Variants in ASB9 observed in about 807,000 individuals in gnomAD.
The protein encoded by ASB9 is ankyrin repeat and SOCS box protein 9.
ASB9 carries 5 observed loss-of-function variants against 16.6 expected under a neutral mutation model. That is an observed-to-expected ratio of 0.30 (90% CI 0.16 to 0.63). ASB9 has a LOEUF of 0.63. Among genes scored for constraint, ASB9 ranks in the 30% least tolerant of loss-of-function variants. ASB9 has a pLI of 0.82. For synonymous variants in ASB9, 100 were observed against 86.4 expected, an observed-to-expected ratio of 1.16 and a Z score of -0.87; for missense variants, 216 against 229.4, an observed-to-expected ratio of 0.94 and a Z score of 0.38.
At chrX:15,256,311 CTT>C (rs756206331) in intron 2 of ASB9, among the ~76,000 whole-genome samples, 19 of 57,347 alleles carry the variant, frequency 3.3e-4, no homozygotes, top group African/African-American at 1.3e-3. Context: ...GCCTAAGATT[CTT>C]TTTTTTTTTT....
chrX:15,245,068 G>C (rs186883078), intron 6 of ASB9, among the ~76,000 whole-genome samples: 1 of 112,203 alleles, frequency 8.9e-6, no homozygotes, highest in Non-Finnish European at 1.9e-5. Context: ...TGAGCTCACA[G>C]TGAATCCTAA....
At chrX:15,250,207 A>ATCCTCCTCCTCC (rs1266894414) in intron 5 of ASB9, among the ~76,000 whole-genome samples, 1 of 108,605 alleles carries the variant, frequency 9.2e-6, no homozygotes, top group Non-Finnish European at 1.9e-5. Flanking sequence ...CATCATCATC[A>ATCCTCCTCCTCC]TCCTCCTCCT....
chrX:15,250,785 A>G (rs1288057295), intron 4 of ASB9, among the ~76,000 whole-genome samples: 5 of 111,869 alleles, frequency 4.5e-5, no homozygotes, highest in African/African-American at 6.5e-5. Flanking sequence ...GCAGTGGCGC[A>G]ATCTCGGCTT....
chrX:15,256,291 G>T (rs1409656064), intron 2 of ASB9, among the ~76,000 whole-genome samples: 2 of 105,472 alleles, frequency 1.9e-5, no homozygotes, highest in African/African-American at 6.9e-5. Context: ...GAGACTGCAT[G>T]GTTCGCAAGG....
chrX:15,267,306 C>T (rs1403366339), intron 1 of ASB9, among the ~76,000 whole-genome samples: 1 of 112,286 alleles, frequency 8.9e-6, no homozygotes, highest in Non-Finnish European at 1.9e-5. Context: ...GTCCCTGCCT[C>T]TCCCTCCTGA....
At position 15,269,932 on chromosome X, in the gene ASB9, C is replaced by T; in HGVS notation, c.-58G>A. On this transcript the variant is annotated 5_prime_UTR_variant, in exon 1 of 7. Coordinates refer to ENST00000380488, the MANE Select transcript of ASB9 (RefSeq NM_001031739.3). Reference sequence around the variant, plus strand: ...TCCACTTCAGTTGCTCAGCAAAGTCCAAACTCCATGCTCCCCCTGCTCCTG... The same window carrying T: ...TCCACTTCAGTTGCTCAGCAAAGTCTAAACTCCATGCTCCCCCTGCTCCTG... The T allele has an allele frequency of 1.1e-6, 1 of 947,075 alleles. No homozygotes were observed. Among genetic ancestry groups the T allele is most frequent in the African/African-American group, 1.9e-5 (1 of 51,803 alleles). 78.0% of individuals were successfully genotyped at this position (947,075 alleles called of 1,213,427 possible).
At chrX:15,253,225 C>T (rs1925267642) in intron 3 of ASB9, among the ~76,000 whole-genome samples, 1 of 109,715 alleles carries the variant, frequency 9.1e-6, no homozygotes, top group Non-Finnish European at 1.9e-5. Flanking sequence ...CAGAGTGAGA[C>T]TCTGTCTCAA....
rs1290385686 is a variant in ASB9 at position 15,260,477 on chromosome X, C to T, written c.95-1532G>A. Among the ~76,000 whole-genome samples, 65 of 112,225 alleles carry T rather than the reference C, an allele frequency of 5.8e-4. 2 individuals carry two copies. The highest frequency in any genetic ancestry group is 3.8e-5 in the Non-Finnish European group (2 of 53,209). On this transcript the variant is annotated intron_variant, in intron 1 of 6. Transcript: ENST00000380488. ...AATTCTTAGGAAAGAAGCCTGAAAACCCAATCCCAACCCATTAAATGCTTT... is the reference window on the plus strand; with the variant it reads ...AATTCTTAGGAAAGAAGCCTGAAAATCCAATCCCAACCCATTAAATGCTTT...
At chrX:15,252,527 G>A in intron 3 of ASB9, 123 bp from the exon 4 acceptor site, 2 of 696,301 alleles carry the variant, frequency 2.9e-6, no homozygotes, top group Admixed American at 4.1e-5. Flanking sequence ...CTATAAAATG[G>A]AGAAATAACT....
chrX:15,266,273 C>T (rs1450011205), intron 1 of ASB9, among the ~76,000 whole-genome samples: 3 of 112,053 alleles, frequency 2.7e-5, no homozygotes, highest in Admixed American at 1.9e-4. Context: ...ATAAGCTCTC[C>T]AGGTGATGTA....
chrX:15,262,284 T>A (rs1279040630), intron 1 of ASB9, among the ~76,000 whole-genome samples: 3 of 112,103 alleles, frequency 2.7e-5, no homozygotes, highest in Non-Finnish European at 5.6e-5. Flanking sequence ...AGCAGATATA[T>A]GTTTTCAATT....
At chrX:15,253,808 G>C (rs1925324803) in intron 3 of ASB9, among the ~76,000 whole-genome samples, 1 of 111,528 alleles carries the variant, frequency 9.0e-6, no homozygotes. Context: ...TGATTATCTG[G>C]TGAATCTTTT....
intron 1 of ASB9, among the ~76,000 whole-genome samples, chrX:15,260,563 G>C (rs1925896079): frequency 2.7e-5 from 3 of 111,524 alleles, no homozygotes; most frequent in African/African-American, 6.5e-5. Flanking sequence ...CTCATCTCAA[G>C]CTTCATCTGA....
Position 15,247,474 on chromosome X carries a change from G to A in ASB9, c.760+1270C>T, listed in dbSNP as rs574175587. 7.1e-5 allele frequency among the ~76,000 whole-genome samples: 8 copies of A among 111,897 alleles called. No homozygotes were observed. The South Asian group carries it at 2.7e-3, about 37-fold the overall frequency. On this transcript the variant is annotated intron_variant, in intron 6 of 6. Coordinates refer to ENST00000380488, the MANE Select transcript of ASB9 (RefSeq NM_001031739.3). ...GGGGACATATACATCCTACATTAAC[G>A]TATGCCCTACGTTATGACTGAGGGG...
In ASB9 at chrX:15,248,882, T is replaced by C. The variant is rs1924875670; in HGVS notation, c.622A>G (p.Arg208Gly). 8.3e-7 allele frequency: 1 copy of C among 1,209,389 alleles called. No homozygotes were observed. Among genetic ancestry groups the C allele is most frequent in the Non-Finnish European group, 1.1e-6 (1 of 893,950 alleles). Residue 208 changes from arginine (R) to glycine (G), a missense_variant, in exon 6 of 7, where the codon AGG becomes GGG. Physicochemically the swap from Arg to Gly is moderately radical, Grantham distance 125. Coordinates refer to ENST00000380488, the MANE Select transcript of ASB9 (RefSeq NM_001031739.3). ...CAGGCCAGCTCTTCACTGGCTGTCCTGGCCACTGCATGAAGTGGGGAATCC... is the reference window on the plus strand; with the variant it reads ...CAGGCCAGCTCTTCACTGGCTGTCCCGGCCACTGCATGAAGTGGGGAATCC... ...GQDSPLHAVA[R>G]TASEELACLL... is the part of the protein sequence containing the mutation.
rs375700844 is a variant in ASB9, at chrX:15,259,732, A to G, written c.95-787T>C. Among the ~76,000 whole-genome samples, 16 of 112,607 alleles carry G rather than the reference A, an allele frequency of 1.4e-4. No individual in the cohort carries two copies. The East Asian group carries it at 2.8e-3, about 20-fold the overall frequency. ...ATGCTCCAAAATCCAAAGCTTCTTG[A>G]GTGCTAACATGATGCCACAAGTGGA... On this transcript the variant is annotated intron_variant, in intron 1 of 6. Transcript: ENST00000380488.
chrX:15,249,920 T>G lies in ASB9; in HGVS notation c.568+510A>C, dbSNP rs771172879. ...AATTAAAGAGGTGATGAAATGGTGT[T>G]CCAGGTGTTGAGAAGGGGGCTGGAC... On this transcript the variant is annotated intron_variant, in intron 5 of 6. Transcript: ENST00000380488. Among the ~76,000 whole-genome samples, 195 of 112,037 alleles carry G rather than the reference T, an allele frequency of 1.7e-3. 1 individual carries two copies. Among genetic ancestry groups the G allele is most frequent in the African/African-American group, 6.1e-3 (188 of 30,770 alleles).
chrX:15,249,491 G>A (rs1351628477), intron 5 of ASB9, among the ~76,000 whole-genome samples: 1 of 112,332 alleles, frequency 8.9e-6, no homozygotes, highest in Non-Finnish European at 1.9e-5. Context: ...GAGTAAGGTG[G>A]ATTTCTAGGA....
At chrX:15,266,104 A>C (rs1926368240) in intron 1 of ASB9, among the ~76,000 whole-genome samples, 1 of 108,444 alleles carries the variant, frequency 9.2e-6, no homozygotes, top group Non-Finnish European at 1.9e-5. Context: ...CACCCAGTCA[A>C]ATGTTTGTAT....
Sources: allele counts gnomAD v4.1 joint callset (sites outside exome capture counted in the v4.1 genomes callset), GRCh38; gene constraint gnomAD v4.1.1; transcripts MANE v1.5; gene names NCBI Gene and HGNC (gene_info 2026-07-23, HGNC 2026-07-21).